Variants in NLRC3 observed in about 807,000 individuals in gnomAD.
NLRC3 encodes the protein NLR family CARD domain-containing protein 3.
A neutral mutation model predicts 91.6 loss-of-function variants in NLRC3; 87 were observed. The observed-to-expected ratio is 0.95, with a 90% CI of 0.80 to 1.14. The LOEUF (loss-of-function observed/expected upper bound fraction) is 1.14. Ranked by LOEUF, NLRC3 falls within the 50% of genes most tolerant of loss-of-function variation. NLRC3 has a pLI of 0.00. For missense variants in NLRC3, 1,577 were observed against 1,418.6 expected (o/e 1.11, Z -1.79); for synonymous variants, 694 against 625.3 (o/e 1.11, Z -1.64).
intron 9 of NLRC3, 149 bp from the exon 10 acceptor site, chr16:3,552,428 G>T: frequency 1.6e-6 from 1 of 633,332 alleles, no homozygotes. Context: ...ATGGGTCTTT[G>T]GATTGTTGCC....
At chr16:3,555,510 A>G (rs918641858) in intron 8 of NLRC3, among the ~76,000 whole-genome samples, 1 of 152,128 alleles carries the variant, frequency 6.6e-6, no homozygotes. Context: ...GGAACTGGAC[A>G]GATGTGATGG....
intron 1 of NLRC3, among the ~76,000 whole-genome samples, chr16:3,574,349 G>T (rs1478464692): frequency 6.6e-6 from 1 of 152,100 alleles, no homozygotes; most frequent in Non-Finnish European, 1.5e-5. Context: ...AGATTTGATT[G>T]GTCTGGCAAG....
intron 8 of NLRC3, among the ~76,000 whole-genome samples, chr16:3,554,898 T>C (rs551635808): frequency 2.0e-5 from 3 of 152,318 alleles, no homozygotes; most frequent in South Asian, 4.1e-4. Flanking sequence ...CAACATATCA[T>C]GGTCTGTCCA....
intron 10 of NLRC3, 118 bp downstream of exon 10, chr16:3,552,078 C>G: frequency 1.5e-6 from 1 of 675,238 alleles, no homozygotes; most frequent in Non-Finnish European, 2.7e-6. Context: ...CCCACCCATC[C>G]ATCCATTCAC....
chr16:3,549,689 G>A lies in NLRC3; in HGVS notation c.2519+8C>T. The A allele has an allele frequency of 2.6e-6, 4 of 1,548,096 alleles. No homozygotes were observed. The highest frequency in any genetic ancestry group is 3.5e-6 in the Non-Finnish European group (4 of 1,143,822). On this transcript the variant is annotated splice_region_variant and intron_variant, in intron 12 of 19. Transcript: ENST00000359128. Reference sequence around the variant, plus strand: ...ACGCCCTGTTTGGAGAGGGTGGCCAGGACTTACCTGAGGCTGAGGAGGGTC... The same window carrying A: ...ACGCCCTGTTTGGAGAGGGTGGCCAAGACTTACCTGAGGCTGAGGAGGGTC...
intron 1 of NLRC3, among the ~76,000 whole-genome samples, chr16:3,567,702 G>T (rs2039936094): frequency 7.2e-6 from 1 of 139,834 alleles, no homozygotes; most frequent in African/African-American, 2.7e-5. Context: ...ACCCTGGAAG[G>T]CAGAGGTTGC....
intron 15 of NLRC3, chr16:3,544,544 C>G: frequency 1.8e-6 from 1 of 545,422 alleles, no homozygotes; most frequent in Non-Finnish European, 3.3e-6. Flanking sequence ...GAGTCTGAAC[C>G]GCCAGAGGCA....
chr16:3,542,799 A>G (rs1224660226), intron 17 of NLRC3, 24 bp from the exon 18 acceptor site: 15 of 1,538,470 alleles, frequency 9.7e-6, no homozygotes, highest in Admixed American at 1.8e-5. Flanking sequence ...CAGGAAGCCT[A>G]AGGCATGGGT....
In NLRC3 at chr16:3,542,242, G is replaced by A. The variant is rs1036488718; in HGVS notation, c.3056C>T (p.Ala1019Val). 1.1e-5 allele frequency: 18 copies of A among 1,593,978 alleles called. No individual in the cohort carries two copies. Among genetic ancestry groups the A allele is most frequent in the East Asian group, 4.5e-5 (2 of 44,054 alleles). Residue 1019 changes from alanine (A) to valine (V), a missense_variant, in exon 19 of 20, where the codon GCG becomes GTG. Ala to Val is a moderately conservative substitution (Grantham distance 64). Coordinates refer to ENST00000359128, the MANE Select transcript of NLRC3 (RefSeq NM_178844.4). ...AGACAGTGCTGTGGCAATGCATATC[G>A]CCCCGTCCATCCCCAGAGAATTCTC... The part of the protein sequence containing the change: ...LQENSLGMDG[A>V]ICIATALSGN...
intron 9 of NLRC3, among the ~76,000 whole-genome samples, chr16:3,553,620 C>T (rs900827308): frequency 2.0e-5 from 3 of 152,152 alleles, no homozygotes; most frequent in African/African-American, 4.8e-5. Flanking sequence ...TGCCCCGATG[C>T]ACCGTGCAGT....
chr16:3,565,156 C>T (rs1365228601), intron 3 of NLRC3, 96 bp from the exon 4 acceptor site: 3 of 911,260 alleles, frequency 3.3e-6, no homozygotes, highest in African/African-American at 1.6e-5. Context: ...TCAGGGATCC[C>T]CTCTTCCTCT....
At chr16:3,573,206 C>T (rs2040160712) in intron 1 of NLRC3, among the ~76,000 whole-genome samples, 1 of 151,522 alleles carries the variant, frequency 6.6e-6, no homozygotes. Context: ...TTGCTTGAGC[C>T]CGGGAGTTTG....
At chr16:3,556,629 C>T (rs2039349568) in intron 8 of NLRC3, among the ~76,000 whole-genome samples, 1 of 152,112 alleles carries the variant, frequency 6.6e-6, no homozygotes, top group Non-Finnish European at 1.5e-5. Flanking sequence ...CTTAGCCTCC[C>T]GAGTTGCTGG....
At position 3,554,316 on chromosome 16, in the gene NLRC3, G is replaced by A; in HGVS notation, c.2193C>T (p.Gly731=). The change falls in exon 9 of 20, where the codon GGC becomes GGT. Residue 731 remains glycine (G), a synonymous_variant. Coordinates refer to ENST00000359128, the MANE Select transcript of NLRC3 (RefSeq NM_178844.4). Reference sequence around the variant, plus strand: ...TGGCACCATCATCCCTAACGGTGTTGCCCTGGAGGCTGCAGAGACAAGAAG... The same window carrying A: ...TGGCACCATCATCCCTAACGGTGTTACCCTGGAGGCTGCAGAGACAAGAAG... ...NRTLTSLSLQ[G]NTVRDDGARS... is the part of the protein sequence containing the mutation. The A allele has an allele frequency of 1.2e-6, 2 of 1,613,378 alleles. No individual in the cohort carries two copies. The highest frequency in any genetic ancestry group is 1.7e-6 in the Non-Finnish European group (2 of 1,179,398).
rs886341955 is a variant in NLRC3, at chr16:3,544,298, C to G, written c.2803G>C (p.Ala935Pro). Residue 935 changes from alanine (A) to proline (P), a missense_variant, in exon 16 of 20, where the codon GCG becomes CCG. Transcript: ENST00000359128. Reference sequence around the variant, plus strand: ...TTCAGTGCACGGGCCACCGCACACGCTCCGTCATCCCCGATGGCGTTCTCC... The same window carrying G: ...TTCAGTGCACGGGCCACCGCACACGGTCCGTCATCCCCGATGGCGTTCTCC... Reference protein sequence around the residue: ...LQENAIGDDGACAVARALKVN... With the variant: ...LQENAIGDDGPCAVARALKVN... 2.5e-5 allele frequency: 40 copies of G among 1,613,532 alleles called. No homozygotes were observed. Among genetic ancestry groups the G allele is most frequent in the Non-Finnish European group, 3.4e-5 (40 of 1,179,514 alleles).
chr16:3,566,472 T>C (rs748222391), intron 2 of NLRC3, among the ~76,000 whole-genome samples: 1 of 151,946 alleles, frequency 6.6e-6, no homozygotes, highest in African/African-American at 2.4e-5. Context: ...GCGCCTGTAA[T>C]CCCAGCACTT....
intron 2 of NLRC3, among the ~76,000 whole-genome samples, chr16:3,566,833 A>G (rs969660863): frequency 2.6e-5 from 4 of 152,280 alleles, no homozygotes; most frequent in African/African-American, 9.6e-5. Flanking sequence ...AGAGGCTGCA[A>G]TGAGCTGAGA....
Position 3,561,718 on chromosome 16 carries a change from G to T in NLRC3, c.1999C>A (p.Arg667Ser), listed in dbSNP as rs545030726. 6.4e-5 allele frequency: 104 copies of T among 1,612,810 alleles called. 2 individuals carry two copies. In the South Asian group the frequency reaches 1.0e-3, roughly 16 times the overall value. Residue 667 changes from arginine (R) to serine (S), a missense_variant, in exon 6 of 20, where the codon CGC becomes AGC. Transcript: ENST00000359128. ...LGSVLSGKDC[R>S]IQKISLAENQ... ...CTGTGTTACCTGATCTTCTGAATGC[G>T]ACAGTCCTTCCCACTCAGCACGCTG...
At chr16:3,571,333 G>A (rs943572283) in intron 1 of NLRC3, among the ~76,000 whole-genome samples, 8 of 151,272 alleles carry the variant, frequency 5.3e-5, no homozygotes, top group South Asian at 4.2e-4. Flanking sequence ...ACAGTGAGAC[G>A]TAAAACTCAG....
Sources: gnomAD v4.1 joint callset for allele counts (sites outside exome capture counted in the v4.1 genomes callset) on GRCh38, gnomAD v4.1.1 for gene constraint, MANE v1.5 for transcripts, NCBI Gene and HGNC (gene_info 2026-07-23, HGNC 2026-07-21) for gene names.